Variants in DIPK2A observed in about 807,000 individuals in gnomAD.
DIPK2A encodes Golgi Protein of 49 kDa.
Under a neutral mutation model 39.0 loss-of-function variants are expected in DIPK2A, and 27 were observed. That is an observed-to-expected ratio of 0.69 (90% CI 0.51 to 0.96). The LOEUF (loss-of-function observed/expected upper bound fraction) is 0.96, where lower values mean the gene tolerates loss of function less well. Ranked by LOEUF, DIPK2A falls within the 40% of genes least tolerant of loss-of-function variation. DIPK2A has a pLI of 0.00. For missense variants in DIPK2A, 528 were observed against 571.3 expected (o/e 0.92, Z 0.77); for synonymous variants, 298 against 240.8 (o/e 1.24, Z -2.20).
chr3:143,978,622 CTATATATATATA>C (rs60796376), intron 1 of DIPK2A: 17 of 121,648 alleles, frequency 1.4e-4, no homozygotes, highest in Admixed American at 1.1e-3. Context: ...ATATCTATAT[CTATATATATATA>C]TATATCTATA....
chr3:143,980,770 G>A (rs911463466), intron 1 of DIPK2A, among the ~76,000 whole-genome samples: 17 of 151,950 alleles, frequency 1.1e-4, no homozygotes, highest in African/African-American at 3.4e-4. Context: ...AGTCTTGCAT[G>A]GTAACACATC....
intron 1 of DIPK2A, among the ~76,000 whole-genome samples, chr3:143,974,420 T>A (rs566342760): frequency 6.6e-6 from 1 of 152,248 alleles, no homozygotes; most frequent in Non-Finnish European, 1.5e-5. Flanking sequence ...GGTTAAACTT[T>A]CCTTGAAGAA....
chr3:143,989,455 C>A, intron 2 of DIPK2A, 55 bp from the exon 3 acceptor site: 4 of 1,036,332 alleles, frequency 3.9e-6, no homozygotes, highest in Non-Finnish European at 5.7e-6. Flanking sequence ...TTTTTGGAAG[C>A]AATGAAAACT....
chr3:143,972,329 C>A lies in DIPK2A; in HGVS notation c.-4C>A. The stretch of plus-strand genomic sequence containing the variant: ...CGCCCTCCCGTTGCGGGCGGGCGGG[C>A]GGTATGTGGCGCCTGGTGCCCCCGA... On this transcript the variant is annotated 5_prime_UTR_variant, in exon 1 of 3. Coordinates refer to ENST00000315691, the MANE Select transcript of DIPK2A (RefSeq NM_173552.5). The A allele has an allele frequency of 1.5e-6, 2 of 1,350,762 alleles. No individual in the cohort carries two copies. The highest frequency in any genetic ancestry group is 1.9e-6 in the Non-Finnish European group (2 of 1,056,186). 83.7% of individuals were successfully genotyped at this position (1,350,762 alleles called of 1,614,324 possible). A position where few individuals can be genotyped will look rare whatever the true frequency, so the allele number is the denominator to read the frequency against.
chr3:143,972,843 C>T lies in DIPK2A; in HGVS notation c.511C>T (p.Pro171Ser), dbSNP rs771245746. 8 of 1,567,456 alleles carry T rather than the reference C, an allele frequency of 5.1e-6. No individual in the cohort carries two copies. Among genetic ancestry groups the T allele is most frequent in the Admixed American group, 1.8e-5 (1 of 54,260 alleles). The change falls in exon 1 of 3, where the codon CCC (proline) becomes TCC (serine). Residue 171 changes from proline to serine, a missense_variant. Around this residue, in one of 2 missense-constraint regions of DIPK2A, gnomAD observed 309 missense variants for 289.8 expected, o/e 1.07. Transcript: ENST00000315691. Reference protein sequence around the residue: ...VEGWSDLVHCPSQRLLDRLVR... With the variant: ...VEGWSDLVHCSSQRLLDRLVR... ...GGGCTGGTCGGACCTGGTGCACTGC[C>T]CCTCGCAGCGCCTTCTCGACCGCCT...
At chr3:143,976,584 G>GAGAGAGAGAGAGAGAA (rs3083098) in intron 1 of DIPK2A, among the ~76,000 whole-genome samples, 1,694 of 139,478 alleles carry the variant, frequency 0.012, 46 homozygotes, top group African/African-American at 0.041. Context: ...GAGAGAGAGA[G>GAGAGAGAGAGAGAGAA]ATGCTGTCTG....
chr3:143,989,676 C>T lies in DIPK2A; in HGVS notation c.1128C>T (p.Gly376=), dbSNP rs1201735766. ...TATCCAGACATGCCACCTGGCGTGG[C>T]ACTTCTGGAGGACTCCTTCATGATC... ...NLLSRHATWR[G]TSGGLLHDPP... is the part of the protein sequence containing the mutation. The change falls in exon 3 of 3, where the codon GGC becomes GGT. Residue 376 remains glycine, a synonymous_variant. Coordinates refer to ENST00000315691, the MANE Select transcript of DIPK2A (RefSeq NM_173552.5). The T allele has an allele frequency of 1.2e-6, 2 of 1,614,108 alleles. No homozygotes were observed. Among genetic ancestry groups the T allele is most frequent in the Non-Finnish European group, 1.7e-6 (2 of 1,180,044 alleles).
intron 1 of DIPK2A, among the ~76,000 whole-genome samples, chr3:143,982,447 A>G (rs1179476591): frequency 2.6e-5 from 4 of 152,210 alleles, no homozygotes; most frequent in Non-Finnish European, 4.4e-5. Flanking sequence ...CCAATATTCA[A>G]CATTCTTAAA....
chr3:143,985,307 C>T (rs1202061380), intron 1 of DIPK2A, among the ~76,000 whole-genome samples: 3 of 152,188 alleles, frequency 2.0e-5, no homozygotes, highest in African/African-American at 7.2e-5. Context: ...TTTTGATAAG[C>T]AAGACTTGTC....
intron 1 of DIPK2A, among the ~76,000 whole-genome samples, chr3:143,975,004 A>G (rs1435152346): frequency 1.3e-5 from 2 of 152,014 alleles, no homozygotes; most frequent in African/African-American, 2.4e-5. Flanking sequence ...ATCTGTTCTC[A>G]TCTTTAGTGA....
Position 143,972,784 on chromosome 3 carries a change from G to A in DIPK2A, c.452G>A (p.Gly151Asp). The stretch of plus-strand genomic sequence containing the variant: ...CGGACCGAGTTCGCGCGCCTCAACG[G>A]CGACGTGCGTCTGCTCACGCCCGAG... Reference protein sequence around the residue: ...MPRTEFARLNGDVRLLTPEAV... With the variant: ...MPRTEFARLNDDVRLLTPEAV... Residue 151 changes from glycine to aspartate, a missense_variant, in exon 1 of 3, where the codon GGC (glycine) becomes GAC (aspartate). By Grantham distance (94) the Gly-to-Asp change is moderately conservative. Coordinates refer to ENST00000315691, the MANE Select transcript of DIPK2A (RefSeq NM_173552.5). 1 of 1,569,310 alleles carries A rather than the reference G, an allele frequency of 6.4e-7. No individual in the cohort carries two copies. The highest frequency in any genetic ancestry group is 1.8e-5 in the Admixed American group (1 of 55,094).
chr3:143,973,125 G>T, intron 1 of DIPK2A, 136 bp downstream of exon 1: 1 of 1,239,092 alleles, frequency 8.1e-7, no homozygotes, highest in South Asian at 1.3e-5. Flanking sequence ...GCGTGGGAAG[G>T]GGCGTCTCCG....
intron 1 of DIPK2A, 74 bp from the exon 2 acceptor site, chr3:143,985,469 C>T: frequency 2.4e-6 from 3 of 1,272,030 alleles, no homozygotes; most frequent in Non-Finnish European, 3.3e-6. Context: ...GCAATCTCTA[C>T]TGAAAGGATC....
In DIPK2A at chr3:143,972,630, C is replaced by T; in HGVS notation, c.298C>T (p.Arg100Cys). Residue 100 changes from arginine to cysteine, a missense_variant, in exon 1 of 3, where the codon CGC (arginine) becomes TGC (cysteine). Coordinates refer to ENST00000315691, the MANE Select transcript of DIPK2A (RefSeq NM_173552.5). Reference protein sequence around the residue: ...NVYFAQYGEPREGGRRRVVLK... With the variant: ...NVYFAQYGEPCEGGRRRVVLK... ...GTACTTCGCGCAGTACGGCGAGCCC[C>T]GCGAGGGCGGCCGCCGCCGAGTGGT... is the stretch of plus-strand genomic sequence containing the variant. 1.9e-6 allele frequency: 3 copies of T among 1,611,582 alleles called. No homozygotes were observed. Among genetic ancestry groups the T allele is most frequent in the Non-Finnish European group, 2.5e-6 (3 of 1,179,462 alleles).
At chr3:143,980,735 A>C (rs2087816953) in intron 1 of DIPK2A, among the ~76,000 whole-genome samples, 1 of 152,134 alleles carries the variant, frequency 6.6e-6, no homozygotes, top group Admixed American at 6.5e-5. Context: ...GTTTATACTA[A>C]GAACTTTCAA....
Position 143,972,977 on chromosome 3 carries a change from G to A in DIPK2A, c.645G>A (p.Pro215=), listed in dbSNP as rs754630093. 6.9e-6 allele frequency: 11 copies of A among 1,586,550 alleles called. No individual in the cohort carries two copies. The highest frequency in any genetic ancestry group is 7.7e-6 in the Non-Finnish European group (9 of 1,169,486). ...TGACCCTGGCCTTCAACCCCGAGCC[G>A]CTGGTGCTACAGGTAGGCGCGGAGC... is the stretch of plus-strand genomic sequence containing the variant. ...LLLTLAFNPE[P]LVLQSFPSDE... The change falls in exon 1 of 3, where the codon CCG becomes CCA. Residue 215 remains proline (P), a synonymous_variant. Transcript: ENST00000315691.
chr3:143,984,138 G>A (rs534675672), intron 1 of DIPK2A, among the ~76,000 whole-genome samples: 1 of 152,170 alleles, frequency 6.6e-6, no homozygotes, highest in Non-Finnish European at 1.5e-5. Flanking sequence ...TCTGGATTGG[G>A]TATTGGCTTA....
At chr3:143,976,297 C>T (rs1257658045) in intron 1 of DIPK2A, among the ~76,000 whole-genome samples, 1 of 151,756 alleles carries the variant, frequency 6.6e-6, no homozygotes, top group Non-Finnish European at 1.5e-5. Flanking sequence ...ATACCCTTTC[C>T]TCGTCGTCAC....
intron 1 of DIPK2A, among the ~76,000 whole-genome samples, chr3:143,976,294 T>G (rs1484520183): frequency 1.3e-5 from 2 of 152,070 alleles, no homozygotes; most frequent in Non-Finnish European, 2.9e-5. Flanking sequence ...CTGATACCCT[T>G]TCCTCGTCGT....
Sources: gnomAD v4.1 joint callset for allele counts (sites outside exome capture counted in the v4.1 genomes callset) on GRCh38, gnomAD v4.1.1 for gene constraint, gnomAD v4.1.1 regional missense constraint, MANE v1.5 for transcripts, NCBI Gene and HGNC (gene_info 2026-07-23, HGNC 2026-07-21) for gene names.